Variants in NIPBL observed in about 807,000 individuals in gnomAD.
The protein encoded by NIPBL is NIPBL cohesin loading factor.
Under a neutral mutation model 321.8 loss-of-function variants are expected in NIPBL, and 19 were observed. The ratio of observed to expected loss-of-function variants is 0.06; its 90% CI spans 0.04 to 0.09. NIPBL has a LOEUF of 0.09. Ranked by LOEUF, NIPBL falls within the 10% of genes least tolerant of loss-of-function variation. The probability of loss-of-function intolerance (pLI) is 1.00; values close to 1 mark genes in which losing one functional copy is unlikely to be tolerated. For synonymous variants in NIPBL, 1,106 were observed against 1,114.1 expected (o/e 0.99, Z 0.14); for missense variants, 2,210 against 3,327.0 (o/e 0.66, Z 8.26).
intron 1 of NIPBL, among the ~76,000 whole-genome samples, chr5:36,930,106 GA>G (rs983189985): frequency 5.1e-4 from 77 of 151,116 alleles, no homozygotes; most frequent in African/African-American, 1.5e-3. Context: ...TATTTCTATG[GA>G]AAAAAAACAG....
intron 14 of NIPBL, among the ~76,000 whole-genome samples, chr5:37,002,153 C>T (rs76489393): frequency 1.3e-5 from 2 of 152,090 alleles, no homozygotes; most frequent in African/African-American, 4.8e-5. Flanking sequence ...AGAAAAGTCA[C>T]CAGAACTCAT....
In NIPBL at chr5:37,003,320, G is replaced by T. The variant is rs1747036899; in HGVS notation, c.3828G>T (p.Gly1276=). Residue 1276 remains glycine, a synonymous_variant, in exon 16 of 47, where the codon GGG becomes GGT. Transcript: ENST00000282516. ...LNILEKNIQD[G]SKLSTLLNHN... ...TCTTGGAGAAGAATATTCAGGATGG[G>T]TCAAAGCTTTCCACTTTGTTAAATC... is the stretch of plus-strand genomic sequence containing the variant. 1 of 1,605,968 alleles carries T rather than the reference G, an allele frequency of 6.2e-7. No individual in the cohort carries two copies. The highest frequency in any genetic ancestry group is 1.7e-4 in the Middle Eastern group (1 of 6,026).
intron 18 of NIPBL, 136 bp from the exon 19 acceptor site, chr5:37,007,872 C>A: frequency 1.5e-6 from 1 of 678,554 alleles, no homozygotes; most frequent in Admixed American, 2.2e-5. Context: ...AGAATAGATG[C>A]TGATTAGGTG....
At chr5:37,033,650 A>C (rs1318728863) in intron 32 of NIPBL, among the ~76,000 whole-genome samples, 3 of 147,082 alleles carry the variant, frequency 2.0e-5, no homozygotes, top group Admixed American at 6.9e-5. Context: ...TAGGAGAAAA[A>C]AATTTTTAAT....
rs1752003311 is a variant in NIPBL at position 37,038,822 on chromosome 5, TCTCA to T, written c.6108+87_6108+90del. The T allele has an allele frequency of 7.5e-6, 10 of 1,340,068 alleles. No individual in the cohort carries two copies. The South Asian group carries it at 9.9e-5, about 13-fold the overall frequency. 83.0% of individuals were successfully genotyped at this position (1,340,068 alleles called of 1,614,324 possible). ...TAGAGTTCACATGCGTCAACCACATTCTCACTGACAGATCAACTGTGTCATTTAC... is the reference window on the plus strand; with the variant it reads ...TAGAGTTCACATGCGTCAACCACATTCTGACAGATCAACTGTGTCATTTAC... On this transcript the variant is annotated intron_variant, in intron 34 of 46. Coordinates refer to ENST00000282516, the MANE Select transcript of NIPBL (RefSeq NM_133433.4).
At position 37,000,582 on chromosome 5, in the gene NIPBL, G is replaced by T; in HGVS notation, c.3502+12G>T. 6.2e-7 allele frequency: 1 copy of T among 1,612,236 alleles called. No individual in the cohort carries two copies. The highest frequency in any genetic ancestry group is 1.1e-5 in the South Asian group (1 of 90,928). On this transcript the variant is annotated intron_variant, in intron 12 of 46. Transcript: ENST00000282516. ...CAGCCTTAGTGAGGGTAATTCATCAGTGTCAACGGATTTCTTACATAAACC... is the reference window on the plus strand; with the variant it reads ...CAGCCTTAGTGAGGGTAATTCATCATTGTCAACGGATTTCTTACATAAACC...
At chr5:37,054,116 A>G (rs1490015964) in intron 42 of NIPBL, among the ~76,000 whole-genome samples, 1 of 151,838 alleles carries the variant, frequency 6.6e-6, no homozygotes, top group Non-Finnish European at 1.5e-5. Flanking sequence ...GAATTGCTTG[A>G]ACCCAGGAGG....
At chr5:36,937,977 G>C (rs1274208861) in intron 1 of NIPBL, among the ~76,000 whole-genome samples, 1 of 152,134 alleles carries the variant, frequency 6.6e-6, no homozygotes, top group Non-Finnish European at 1.5e-5. Context: ...CTTGGGTTCA[G>C]CGGGTATAAT....
intron 1 of NIPBL, among the ~76,000 whole-genome samples, chr5:36,938,249 T>C (rs1738671438): frequency 6.6e-6 from 1 of 152,068 alleles, no homozygotes; most frequent in Admixed American, 6.6e-5. Flanking sequence ...GACTGTAGTT[T>C]TAGGCCAGTA....
chr5:37,015,739 A>G (rs909966179), intron 22 of NIPBL, among the ~76,000 whole-genome samples: 4 of 152,076 alleles, frequency 2.6e-5, no homozygotes, highest in South Asian at 2.1e-4. Context: ...TCAAAAAAAT[A>G]AAGAATTTAT....
chr5:37,015,413 T>C (rs1748838219), intron 22 of NIPBL, among the ~76,000 whole-genome samples: 1 of 150,970 alleles, frequency 6.6e-6, no homozygotes. Context: ...CGTGAGCCAC[T>C]GCGCCCAGCC....
chr5:37,013,143 G>A (rs1435753890), intron 21 of NIPBL, among the ~76,000 whole-genome samples: 6 of 147,936 alleles, frequency 4.1e-5, no homozygotes, highest in Admixed American at 2.7e-4. Context: ...CTCACCTCCC[G>A]GACGGGGCGG....
At chr5:36,949,569 C>A (rs1740047043) in intron 1 of NIPBL, among the ~76,000 whole-genome samples, 1 of 151,786 alleles carries the variant, frequency 6.6e-6, no homozygotes, top group South Asian at 2.1e-4. Flanking sequence ...ATTTTTTAAT[C>A]ACTAAAAGTA....
Position 36,996,555 on chromosome 5 carries a change from C to T in NIPBL, c.3304+751C>T, listed in dbSNP as rs1395031450. 2.2e-6 allele frequency: 1 copy of T among 455,994 alleles called. No homozygotes were observed. The highest frequency in any genetic ancestry group is 6.9e-5 in the East Asian group (1 of 14,394). 28.2% of individuals were successfully genotyped at this position (455,994 alleles called of 1,614,324 possible). ...ACTAGACTTGCTATACCTCGCCTGT[C>T]TTCCTACTGGTCCACTGAAAAAGTT... On this transcript the variant is annotated intron_variant, in intron 11 of 46. Transcript: ENST00000282516. This position sits in a 1 kb window ranked among gnomAD's most constrained non-coding sequence, Gnocchi z 5.0.
At position 37,044,378 on chromosome 5, in the gene NIPBL, T is replaced by C. The variant is rs768408469; in HGVS notation, c.6140T>C (p.Val2047Ala). The change falls in exon 35 of 47, where the codon GTT becomes GCT. Residue 2047 changes from valine to alanine, a missense_variant. Around this residue, in one of 14 missense-constraint regions of NIPBL, gnomAD observed 73 missense variants for 222.3 expected, o/e 0.33. Coordinates refer to ENST00000282516, the MANE Select transcript of NIPBL (RefSeq NM_133433.4). ...AATGATTTCATGGTTATCTGCAATG[T>C]TGCAAAAATCCTAGAGCTAGTTGTA... The part of the protein sequence containing the change: ...TQNDFMVICN[V>A]AKILELVVPL... The C allele has an allele frequency of 4.3e-6, 7 of 1,613,884 alleles. No homozygotes were observed. The African/African-American group carries it at 9.3e-5, about 22-fold the overall frequency.
intron 42 of NIPBL, among the ~76,000 whole-genome samples, chr5:37,056,359 T>A (rs968327355): frequency 2.0e-5 from 3 of 152,196 alleles, no homozygotes; most frequent in Non-Finnish European, 4.4e-5. Context: ...GAGTGAGTGT[T>A]TTTTAGTTGT....
chr5:37,010,274 T>C (rs368538013), intron 21 of NIPBL, 49 bp downstream of exon 21: 226 of 1,359,288 alleles, frequency 1.7e-4, no homozygotes, highest in Non-Finnish European at 2.2e-4. Flanking sequence ...TTGAAGGAAA[T>C]ACCTATATTC....
rs541434815 is a variant in NIPBL at position 37,064,398 on chromosome 5, C to A, written c.8050-129C>A. ...CTGGCGGTCACGGTGCGTCTCATTG[C>A]CGGCAATGGAAGTGTGCCGGGAAAT... On this transcript the variant is annotated intron_variant, in intron 46 of 46. Coordinates refer to ENST00000282516, the MANE Select transcript of NIPBL (RefSeq NM_133433.4). 7 of 1,540,322 alleles carry A rather than the reference C, an allele frequency of 4.5e-6. No individual in the cohort carries two copies. The African/African-American group carries it at 6.8e-5, about 15-fold the overall frequency.
chr5:37,045,232 T>C (rs189030689), intron 36 of NIPBL, among the ~76,000 whole-genome samples: 309 of 152,132 alleles, frequency 2.0e-3, no homozygotes, highest in Non-Finnish European at 2.2e-3. Context: ...CACACGACTG[T>C]AATCCCAGCT....
Sources: gnomAD v4.1 joint callset for allele counts (sites outside exome capture counted in the v4.1 genomes callset) on GRCh38, gnomAD v4.1.1 for gene constraint, gnomAD v4.1.1 regional missense constraint, Gnocchi (gnomAD v3.1) non-coding constraint, MANE v1.5 for transcripts, NCBI Gene and HGNC (gene_info 2026-07-23, HGNC 2026-07-21) for gene names.